TMEM132C: variants seen among roughly 807,000 people sequenced by gnomAD.
TMEM132C encodes the protein protein phosphatase 1, regulatory subunit 152.
TMEM132C carries 29 observed loss-of-function variants against 61.4 expected under a neutral mutation model. That is an observed-to-expected ratio of 0.47 (90% CI 0.35 to 0.64). The LOEUF (loss-of-function observed/expected upper bound fraction) is 0.64. Among genes scored for constraint, TMEM132C ranks in the 30% least tolerant of loss-of-function variants. The pLI is 0.00. For missense variants in TMEM132C, 1,408 were observed against 1,476.9 expected (o/e 0.95, Z 0.76); for synonymous variants, 656 against 633.1 (o/e 1.04, Z -0.54).
At chr12:128,314,761 G>A (rs764594336) in intron 1 of TMEM132C, among the ~76,000 whole-genome samples, 5 of 152,110 alleles carry the variant, frequency 3.3e-5, no homozygotes, top group African/African-American at 9.7e-5. Context: ...ATGCTCCCTC[G>A]TGGCTTCTAG....
intron 1 of TMEM132C, among the ~76,000 whole-genome samples, chr12:128,365,888 G>A (rs926031259): frequency 3.3e-5 from 5 of 152,178 alleles, no homozygotes; most frequent in African/African-American, 7.2e-5. Context: ...AGCCCTCCCC[G>A]GGAAGGCTGT....
At chr12:128,401,791 G>A (rs1216313891) in intron 1 of TMEM132C, among the ~76,000 whole-genome samples, 2 of 152,168 alleles carry the variant, frequency 1.3e-5, no homozygotes, top group African/African-American at 4.8e-5. Flanking sequence ...ATTCTTTGTG[G>A]TTGTAGAACA....
In TMEM132C at chr12:128,300,974, G is replaced by C. The variant is rs80288000; in HGVS notation, c.85+33487G>C. The stretch of plus-strand genomic sequence containing the variant: ...GAGGATATCTTGAGCTCAGGAGTTT[G>C]AGGCTACAGTGAGCTAGGAATTCAT... On this transcript the variant is annotated intron_variant, in intron 1 of 8. Coordinates refer to ENST00000435159, the MANE Select transcript of TMEM132C (RefSeq NM_001136103.3). Among the ~76,000 whole-genome samples, 420 of 152,290 alleles carry C rather than the reference G, an allele frequency of 2.8e-3. 1 individual carries two copies. Among genetic ancestry groups the C allele is most frequent in the African/African-American group, 8.4e-3 (350 of 41,558 alleles).
At chr12:128,391,032 G>A (rs748497996) in intron 1 of TMEM132C, among the ~76,000 whole-genome samples, 11 of 152,102 alleles carry the variant, frequency 7.2e-5, no homozygotes, top group Non-Finnish European at 1.5e-4. Context: ...TTAACGCTGC[G>A]GTTCTCAAAG....
At chr12:128,376,318 C>T (rs1322066607) in intron 1 of TMEM132C, among the ~76,000 whole-genome samples, 1 of 152,084 alleles carries the variant, frequency 6.6e-6, no homozygotes, top group Non-Finnish European at 1.5e-5. Flanking sequence ...AACTGCTGAT[C>T]GAATTTGTTC....
chr12:128,693,821 C>A lies in TMEM132C; in HGVS notation c.1450-8C>A. 6.4e-7 allele frequency: 1 copy of A among 1,551,736 alleles called. No individual in the cohort carries two copies. The highest frequency in any genetic ancestry group is 1.4e-5 in the African/African-American group (1 of 73,180). On this transcript the variant is annotated splice_polypyrimidine_tract_variant and splice_region_variant and intron_variant, in intron 5 of 8. Coordinates refer to ENST00000435159, the MANE Select transcript of TMEM132C (RefSeq NM_001136103.3). ...TCTCCTCCATCCTTTCTCCCTCTGT[C>A]TTTGCAGGTGTCTGAGCGCTGTGAC...
At chr12:128,270,814 A>G (rs1239633296) in intron 1 of TMEM132C, among the ~76,000 whole-genome samples, 1 of 152,206 alleles carries the variant, frequency 6.6e-6, no homozygotes, top group Non-Finnish European at 1.5e-5. Flanking sequence ...AAATCATTCT[A>G]TTAAACCATC....
intron 2 of TMEM132C, among the ~76,000 whole-genome samples, chr12:128,487,169 G>A (rs1043673340): frequency 6.6e-6 from 1 of 152,176 alleles, no homozygotes; most frequent in East Asian, 1.9e-4. Context: ...ATAGCTCCCT[G>A]CTATGCTATG....
At chr12:128,578,030 A>G (rs1454931361) in intron 3 of TMEM132C, among the ~76,000 whole-genome samples, 1 of 152,228 alleles carries the variant, frequency 6.6e-6, no homozygotes, top group Non-Finnish European at 1.5e-5. Flanking sequence ...CTTCTTAAAT[A>G]TATTTCAAGA....
At chr12:128,392,052 GTCTCTCTCTCTTTCTCTCTCTCTCTCTC>G (rs1356312762) in intron 1 of TMEM132C, among the ~76,000 whole-genome samples, 1 of 125,550 alleles carries the variant, frequency 8.0e-6, no homozygotes, top group East Asian at 2.4e-4. Context: ...CTCTGTCTCT[GTCTCTCTCTCTTTCTCTCTCTCTCTCTC>G]TCTCTCTCTC....
At chr12:128,468,904 G>A (rs1190797201) in intron 2 of TMEM132C, among the ~76,000 whole-genome samples, 6 of 152,122 alleles carry the variant, frequency 3.9e-5, no homozygotes, top group Non-Finnish European at 5.9e-5. Flanking sequence ...CAGTATATGC[G>A]TCATGGTTCT....
Position 128,415,304 on chromosome 12 carries a change from C to T in TMEM132C, c.658C>T (p.Gln220Ter). Residue 220 changes from glutamine to a stop codon, truncating the protein, a stop_gained, in exon 2 of 9, where the codon CAG (glutamine) becomes TAG (stop). Transcript: ENST00000435159. LOFTEE classifies it high-confidence loss of function. The surrounding 1 kb of genome is among the most constrained non-coding windows in gnomAD (Gnocchi z 5.8). ...TGCCGGGAGGAAGAAGTCCATGGAC[C>T]AGCCGGAGGGGACCCCTGTGGAGCT... Reference protein sequence around the residue: ...VGAGRKKSMDQPEGTPVELYY... With the variant: ...VGAGRKKSMD 1 of 1,594,938 alleles carries T rather than the reference C, an allele frequency of 6.3e-7. No homozygotes were observed. The highest frequency in any genetic ancestry group is 2.3e-5 in the East Asian group (1 of 43,810).
intron 2 of TMEM132C, among the ~76,000 whole-genome samples, chr12:128,511,014 C>T (rs1335689677): frequency 1.3e-5 from 2 of 152,198 alleles, no homozygotes; most frequent in Non-Finnish European, 2.9e-5. Context: ...TGCTGGAGGA[C>T]CTCCTCCTTG....
intron 4 of TMEM132C, among the ~76,000 whole-genome samples, chr12:128,665,540 GGC>G (rs148325857): frequency 0.11 from 14,069 of 129,826 alleles, 845 homozygotes; most frequent in East Asian, 0.2. Context: ...CACAAATGCA[GGC>G]GCAAAAATAC....
chr12:128,310,336 A>C (rs1871927011), intron 1 of TMEM132C, among the ~76,000 whole-genome samples: 1 of 152,180 alleles, frequency 6.6e-6, no homozygotes, highest in Admixed American at 6.5e-5. Flanking sequence ...GCATTGCTAC[A>C]AAGAGATACC....
chr12:128,335,395 TAC>T (rs1374549391), intron 1 of TMEM132C, among the ~76,000 whole-genome samples: 9 of 152,244 alleles, frequency 5.9e-5, no homozygotes, highest in Non-Finnish European at 1.3e-4. Context: ...TTGAATGTTT[TAC>T]ATATTGGCAT....
intron 3 of TMEM132C, among the ~76,000 whole-genome samples, chr12:128,569,569 A>G (rs954298186): frequency 2.6e-5 from 4 of 152,198 alleles, no homozygotes; most frequent in African/African-American, 7.2e-5. Flanking sequence ...AAAAGAAAAG[A>G]AAGCACAATT....
chr12:128,417,551 T>G (rs2136024097), intron 2 of TMEM132C, among the ~76,000 whole-genome samples: 1 of 152,326 alleles, frequency 6.6e-6, no homozygotes, highest in East Asian at 1.9e-4. Flanking sequence ...TCTGTTCTAC[T>G]TACAGCCTGT....
In TMEM132C at chr12:128,616,140, TC is replaced by T; in HGVS notation, c.1122-11del. On this transcript the variant is annotated splice_polypyrimidine_tract_variant and intron_variant, in intron 3 of 8. Transcript: ENST00000435159. ...AAGTTGGCTTAAAGCCAGTTTCTTT[TC>T]TCTCTTCCAGGAGCAGCAGTTTATT... The T allele has an allele frequency of 6.5e-7, 1 of 1,548,996 alleles. No homozygotes were observed. The highest frequency in any genetic ancestry group is 8.7e-7 in the Non-Finnish European group (1 of 1,145,676).
Sources: gnomAD v4.1 joint callset for allele counts (sites outside exome capture counted in the v4.1 genomes callset) on GRCh38, gnomAD v4.1.1 for gene constraint, Gnocchi (gnomAD v3.1) non-coding constraint, MANE v1.5 for transcripts, NCBI Gene and HGNC (gene_info 2026-07-23, HGNC 2026-07-21) for gene names.